TENM2: variants seen among roughly 807,000 people sequenced by gnomAD.
TENM2 encodes the protein teneurin transmembrane protein 2, also known as teneurin-2.
In TENM2, 52 loss-of-function variants were observed where a neutral mutation model predicts 245.2. The ratio of observed to expected loss-of-function variants is 0.21; its 90% CI spans 0.17 to 0.27. The LOEUF is 0.27. Ranked by LOEUF, TENM2 falls within the 10% of genes least tolerant of loss-of-function variation. The pLI, the probability that TENM2 is intolerant of heterozygous loss-of-function variation, is 1.00. For synonymous variants in TENM2, 1,363 were observed against 1,438.9 expected, an observed-to-expected ratio of 0.95 and a Z score of 1.19; for missense variants, 3,046 against 3,666.8, an observed-to-expected ratio of 0.83 and a Z score of 4.37.
chr5:167,104,755 A>C, the TENM2 span, among the ~76,000 whole-genome samples: 1 of 152,192 alleles, frequency 6.6e-6, no homozygotes, highest in Non-Finnish European at 1.5e-5. Context: ...CTAGAATCCA[A>C]ATCTAAACAC....
chr5:167,652,901 T>G (rs1455905328), intron 2 of TENM2, among the ~76,000 whole-genome samples: 1 of 152,220 alleles, frequency 6.6e-6, no homozygotes, highest in Non-Finnish European at 1.5e-5. Context: ...TCATTTGATG[T>G]CTGGGCTCCC....
At chr5:167,711,181 C>G (rs1328566607) in intron 2 of TENM2, among the ~76,000 whole-genome samples, 2 of 152,108 alleles carry the variant, frequency 1.3e-5, no homozygotes, top group Non-Finnish European at 2.9e-5. Flanking sequence ...AGTAATCAAC[C>G]ACCAATCCAA....
At chr5:166,985,633 A>T in the TENM2 span, among the ~76,000 whole-genome samples, 1 of 152,108 alleles carries the variant, frequency 6.6e-6, no homozygotes, top group East Asian at 1.9e-4. Flanking sequence ...AAAAAATCAA[A>T]TTTATTTATT....
chr5:167,353,333 T>TGGGG (rs10635512), intron 1 of TENM2, among the ~76,000 whole-genome samples: 3 of 135,664 alleles, frequency 2.2e-5, no homozygotes, highest in Admixed American at 7.7e-5. Context: ...AGGGGGGTGG[T>TGGGG]GGGGGTGCAG....
At chr5:168,111,443 G>T (rs1794662094) in intron 9 of TENM2, among the ~76,000 whole-genome samples, 1 of 152,130 alleles carries the variant, frequency 6.6e-6, no homozygotes, top group African/African-American at 2.4e-5. Context: ...AGGGGTTGGG[G>T]GAGGGCTGTT....
chr5:167,684,394 T>G (rs528920357), intron 2 of TENM2, among the ~76,000 whole-genome samples: 1 of 152,192 alleles, frequency 6.6e-6, no homozygotes, highest in Non-Finnish European at 1.5e-5. Context: ...ATGCACCACT[T>G]TCTGTATCTA....
At chr5:167,695,544 C>A (rs1043038137) in intron 2 of TENM2, among the ~76,000 whole-genome samples, 6 of 152,040 alleles carry the variant, frequency 3.9e-5, no homozygotes, top group Admixed American at 1.3e-4. Context: ...TAATGCCTCT[C>A]TAAAACATAT....
rs777170514 is a variant in TENM2, at chr5:167,853,289, C to CAAAAAAAAAAAAAAAAAAAAAAAAA, written c.503-22674_503-22673insAAAAAAAAAAAAAAAAAAAAAAAAA. ...TGGGAGACAGAGCGAGACTCCGTCTCAAAAAAAAAAAAAAAAAAAAAAAGA... is the reference window on the plus strand; with the variant it reads ...TGGGAGACAGAGCGAGACTCCGTCTCAAAAAAAAAAAAAAAAAAAAAAAAAAAAAAAAAAAAAAAAAAAAAAAAGA... On this transcript the variant is annotated intron_variant, in intron 2 of 28. Coordinates refer to ENST00000518659, the Ensembl canonical transcript of TENM2. 1.3e-3 allele frequency among the ~76,000 whole-genome samples: 32 copies of CAAAAAAAAAAAAAAAAAAAAAAAAA among 24,614 alleles called. 2 individuals are homozygous for CAAAAAAAAAAAAAAAAAAAAAAAAA. Among genetic ancestry groups the CAAAAAAAAAAAAAAAAAAAAAAAAA allele is most frequent in the African/African-American group, 1.7e-3 (11 of 6,630 alleles). 16.1% of individuals were successfully genotyped at this position (24,614 alleles called of 152,430 possible).
At chr5:168,115,953 G>T (rs1795053845) in intron 9 of TENM2, among the ~76,000 whole-genome samples, 1 of 152,168 alleles carries the variant, frequency 6.6e-6, no homozygotes, top group Non-Finnish European at 1.5e-5. Context: ...GCACACGCCT[G>T]CCATCCCAGA....
intron 3 of TENM2, among the ~76,000 whole-genome samples, chr5:167,880,702 C>G (rs1773807764): frequency 6.6e-6 from 1 of 152,174 alleles, no homozygotes; most frequent in African/African-American, 2.4e-5. Flanking sequence ...CTTGTAACCT[C>G]CCTTAAATAA....
chr5:167,768,384 A>C (rs1435559115), intron 2 of TENM2, among the ~76,000 whole-genome samples: 1 of 152,170 alleles, frequency 6.6e-6, no homozygotes, highest in Non-Finnish European at 1.5e-5. Flanking sequence ...ATCCCCCATT[A>C]GTGCCTTGGA....
chr5:168,098,136 C>T lies in TENM2; in HGVS notation c.1813+9C>T, dbSNP rs562554260. 28 of 1,598,634 alleles carry T rather than the reference C, an allele frequency of 1.8e-5. No individual in the cohort carries two copies. The East Asian group carries it at 2.9e-4, about 17-fold the overall frequency. ...AGCAGACTGTGCTAAAGGTATGTGC[C>T]GCCACTTCCCTGCTATGGTTGGAAA... On this transcript the variant is annotated intron_variant, in intron 9 of 28. Coordinates refer to ENST00000518659, the Ensembl canonical transcript of TENM2.
chr5:167,638,865 CT>C (rs1439311323), intron 2 of TENM2, among the ~76,000 whole-genome samples: 1 of 152,196 alleles, frequency 6.6e-6, no homozygotes, highest in Non-Finnish European at 1.5e-5. Context: ...TGTAGTTACT[CT>C]AAGTAATCGC....
At chr5:167,302,149 G>A (rs558734002) in intron 1 of TENM2, among the ~76,000 whole-genome samples, 114 of 152,242 alleles carry the variant, frequency 7.5e-4, no homozygotes, top group Non-Finnish European at 1.2e-3. Flanking sequence ...ACCTCAGACC[G>A]TTTGCCTATT....
intron 2 of TENM2, among the ~76,000 whole-genome samples, chr5:167,453,433 G>T (rs1765727530): frequency 6.6e-6 from 1 of 152,056 alleles, no homozygotes; most frequent in South Asian, 2.1e-4. Context: ...TCCCTTTCCC[G>T]GGATAGGAAG....
chr5:167,837,804 G>T (rs972517217), intron 2 of TENM2, among the ~76,000 whole-genome samples: 63 of 147,920 alleles, frequency 4.3e-4, no homozygotes, highest in Admixed American at 6.7e-4. Context: ...AAAGGGCTTG[G>T]TTTTTTTTTT....
At chr5:167,407,691 C>A (rs1441594111) in intron 2 of TENM2, among the ~76,000 whole-genome samples, 1 of 152,072 alleles carries the variant, frequency 6.6e-6, no homozygotes, top group Non-Finnish European at 1.5e-5. Flanking sequence ...GTGGCACACA[C>A]CTGTAATCTC....
Position 168,006,607 on chromosome 5 carries a change from G to C in TENM2, c.1186+13425G>C, listed in dbSNP as rs1581036088. Among the ~76,000 whole-genome samples the C allele has an allele frequency of 2.6e-5, 4 of 152,290 alleles. No homozygotes were observed. In the South Asian group the frequency reaches 8.3e-4, roughly 32 times the overall value. ...TCAATAAATGTGTGACAGGCACAAG[G>C]CTCTTCAGTATGAAGAGTAGTGAGG... On this transcript the variant is annotated intron_variant, in intron 5 of 28. Transcript: ENST00000518659.
At chr5:168,044,569 G>A (rs543892261) in intron 5 of TENM2, among the ~76,000 whole-genome samples, 34 of 151,432 alleles carry the variant, frequency 2.2e-4, no homozygotes, top group South Asian at 8.4e-4. Context: ...TCTGCCCCCC[G>A]TGTATCATTA....
Sources: allele counts gnomAD v4.1 joint callset (sites outside exome capture counted in the v4.1 genomes callset), GRCh38; gene constraint gnomAD v4.1.1; transcripts MANE v1.5; gene names NCBI Gene and HGNC (gene_info 2026-07-23, HGNC 2026-07-21).